MECOM: variants seen among roughly 807,000 people sequenced by gnomAD.
MECOM encodes histone-lysine N-methyltransferase MECOM.
MECOM carries 13 observed loss-of-function variants against 116.3 expected under a neutral mutation model. That is an observed-to-expected ratio of 0.11 (90% CI 0.07 to 0.18). The LOEUF is 0.18. Ranked by LOEUF, MECOM falls within the 10% of genes least tolerant of loss-of-function variation. The probability of loss-of-function intolerance (pLI) is 1.00; values close to 1 mark genes in which losing one functional copy is unlikely to be tolerated. For synonymous variants in MECOM, 528 were observed against 535.2 expected, an observed-to-expected ratio of 0.99 and a Z score of 0.19; for missense variants, 1,299 against 1,509.0, an observed-to-expected ratio of 0.86 and a Z score of 2.31.
intron 1 of MECOM, among the ~76,000 whole-genome samples, chr3:169,577,733 T>C (rs1764682894): frequency 6.6e-6 from 1 of 152,158 alleles, no homozygotes; most frequent in Non-Finnish European, 1.5e-5. Flanking sequence ...CCAGACTAAT[T>C]TGCATATTTT....
chr3:169,659,440 A>ATTTTTTTTTTTTTTTTTTT (rs56270349), intron 1 of MECOM, among the ~76,000 whole-genome samples: 4 of 62,146 alleles, frequency 6.4e-5, no homozygotes, highest in Admixed American at 2.8e-4. Flanking sequence ...CTAAACACAG[A>ATTTTTTTTTTTTTTTTTTT]TTTTTTTTTT....
rs1482949388 is a variant in MECOM at position 169,333,266 on chromosome 3, G to GGGGT, written c.375+47917_375+47920dup. On this transcript the variant is annotated intron_variant, in intron 2 of 16. Transcript: ENST00000651503. ...GGTGTGGAGGGACAAGAGATACAGA[G>GGGGT]GGGTGACCTGTTAACCCCATCAACT... Among the ~76,000 whole-genome samples the GGGGT allele has an allele frequency of 6.6e-5, 10 of 152,270 alleles. No homozygotes were observed. The South Asian group carries it at 1.9e-3, about 28-fold the overall frequency.
chr3:169,131,402 A>C, intron 4 of MECOM, 27 bp downstream of exon 4: 8 of 1,561,428 alleles, frequency 5.1e-6, no homozygotes, highest in Non-Finnish European at 7.1e-6. Flanking sequence ...ATAAGGTGAT[A>C]AGGAGGGTGG....
intron 1 of MECOM, among the ~76,000 whole-genome samples, chr3:169,626,973 T>C (rs558477419): frequency 6.6e-6 from 1 of 152,254 alleles, no homozygotes; most frequent in South Asian, 2.1e-4. Context: ...ATAACAATGC[T>C]ATATGAGGGT....
intron 2 of MECOM, among the ~76,000 whole-genome samples, chr3:169,269,729 C>T (rs1758712631): frequency 6.6e-6 from 1 of 152,140 alleles, no homozygotes; most frequent in Non-Finnish European, 1.5e-5. Context: ...TTATCTCTGG[C>T]ACCCAAGTAT....
intron 1 of MECOM, among the ~76,000 whole-genome samples, chr3:169,477,830 CAT>C (rs1435132325): frequency 6.6e-6 from 1 of 152,166 alleles, no homozygotes; most frequent in Non-Finnish European, 1.5e-5. Context: ...TTCAATAAGA[CAT>C]ATTATCTTCA....
chr3:169,130,180 T>C (rs752770113), intron 4 of MECOM, among the ~76,000 whole-genome samples: 1 of 152,186 alleles, frequency 6.6e-6, no homozygotes, highest in Admixed American at 6.5e-5. Flanking sequence ...TTTAAAACTT[T>C]TGGAGTATTA....
At chr3:169,661,305 TCC>T (rs570611202) in intron 1 of MECOM, among the ~76,000 whole-genome samples, 1 of 41,162 alleles carries the variant, frequency 2.4e-5, no homozygotes, top group African/African-American at 7.9e-5. Context: ...TCCCGCCAAC[TCC>T]CCCCCCCACA....
chr3:169,362,134 T>C (rs905095720), intron 2 of MECOM, among the ~76,000 whole-genome samples: 1 of 151,902 alleles, frequency 6.6e-6, no homozygotes, highest in African/African-American at 2.4e-5. Flanking sequence ...CATGCCCCAA[T>C]ATATTAGGTT....
At chr3:169,623,396 T>A (rs1420955604) in intron 1 of MECOM, among the ~76,000 whole-genome samples, 1 of 152,200 alleles carries the variant, frequency 6.6e-6, no homozygotes, top group Non-Finnish European at 1.5e-5. Flanking sequence ...TTTCCAAAAC[T>A]ACAAAAGTTT....
At chr3:169,133,896 C>T (rs1256554447) in intron 3 of MECOM, 2 of 1,285,528 alleles carry the variant, frequency 1.6e-6, no homozygotes, top group Non-Finnish European at 2.0e-6. Context: ...GGACTTCTCT[C>T]AACAGTTTGA....
intron 1 of MECOM, among the ~76,000 whole-genome samples, chr3:169,608,629 T>C (rs1768875061): frequency 6.6e-6 from 1 of 152,144 alleles, no homozygotes; most frequent in South Asian, 2.1e-4. Flanking sequence ...CGGCAGTTAT[T>C]AAGAGTCTGG....
At chr3:169,613,997 C>G (rs1018850866) in intron 1 of MECOM, among the ~76,000 whole-genome samples, 3 of 152,138 alleles carry the variant, frequency 2.0e-5, no homozygotes, top group African/African-American at 7.2e-5. Context: ...GTTATTTTCT[C>G]ATTAATAAAA....
intron 2 of MECOM, among the ~76,000 whole-genome samples, chr3:169,330,856 C>A (rs539001933): frequency 9.9e-5 from 15 of 151,910 alleles, no homozygotes; most frequent in Non-Finnish European, 1.6e-4. Context: ...ATTTTATCCT[C>A]TTATGCACAG....
intron 1 of MECOM, among the ~76,000 whole-genome samples, chr3:169,516,041 T>C (rs1918962): frequency 0.52 from 78,614 of 151,854 alleles, 21,726 homozygotes; most frequent in African/African-American, 0.73. Context: ...ATAAACACTA[T>C]GACTAGTCAA....
intron 2 of MECOM, among the ~76,000 whole-genome samples, chr3:169,172,614 T>C (rs564629252): frequency 7.8e-4 from 119 of 152,228 alleles, no homozygotes; most frequent in African/African-American, 2.8e-3. Context: ...TTTATGAAAC[T>C]GAAGATTTTG....
chr3:169,612,784 C>A (rs1235847834), intron 1 of MECOM, among the ~76,000 whole-genome samples: 1 of 152,138 alleles, frequency 6.6e-6, no homozygotes, highest in Non-Finnish European at 1.5e-5. Context: ...TTCCCTCAGA[C>A]CAAACCTCTG....
intron 1 of MECOM, among the ~76,000 whole-genome samples, chr3:169,421,454 G>T (rs1388385901): frequency 6.6e-6 from 1 of 151,942 alleles, no homozygotes; most frequent in African/African-American, 2.4e-5. Flanking sequence ...TTTGCCTGTT[G>T]GTCAGTGGAC....
intron 2 of MECOM, among the ~76,000 whole-genome samples, chr3:169,321,977 G>T (rs1226532895): frequency 1.3e-5 from 2 of 152,190 alleles, no homozygotes; most frequent in African/African-American, 2.4e-5. Context: ...TCCTTCCAGA[G>T]CTGGGATTAT....
Sources: gnomAD v4.1 joint callset for allele counts (sites outside exome capture counted in the v4.1 genomes callset) on GRCh38, gnomAD v4.1.1 for gene constraint, MANE v1.5 for transcripts, NCBI Gene and HGNC (gene_info 2026-07-23, HGNC 2026-07-21) for gene names.